MKLN1: variants seen among roughly 807,000 people sequenced by gnomAD.
MKLN1 encodes muskelin 1, also known as muskelin.
A neutral mutation model predicts 99.0 loss-of-function variants in MKLN1; 18 were observed. The observed-to-expected ratio is 0.18, with a 90% CI of 0.13 to 0.27. MKLN1 has a LOEUF of 0.27. Among genes scored for constraint, MKLN1 ranks in the 10% least tolerant of loss-of-function variants. The pLI is 1.00. For synonymous variants in MKLN1, 288 were observed against 293.2 expected, an observed-to-expected ratio of 0.98 and a Z score of 0.18; for missense variants, 621 against 875.9, an observed-to-expected ratio of 0.71 and a Z score of 3.67.
intron 1 of MKLN1, among the ~76,000 whole-genome samples, chr7:131,126,952 G>A (rs1008987357): frequency 6.6e-6 from 1 of 152,138 alleles, no homozygotes; most frequent in Non-Finnish European, 1.5e-5. Context: ...GTTCACCTAA[G>A]GTTGGTAGTT....
intron 1 of MKLN1, 22 bp downstream of exon 1, chr7:131,328,019 C>A: frequency 6.2e-7 from 1 of 1,612,742 alleles, no homozygotes; most frequent in Non-Finnish European, 8.5e-7. Flanking sequence ...GCCTTGAGCT[C>A]GTGCTGCCCC....
At chr7:131,332,420 CAT>C (rs1049453210) in intron 1 of MKLN1, among the ~76,000 whole-genome samples, 2 of 147,836 alleles carry the variant, frequency 1.4e-5, no homozygotes, top group Non-Finnish European at 3.0e-5. Context: ...GTCAATACCC[CAT>C]GTCTAAGAAA....
intron 12 of MKLN1, among the ~76,000 whole-genome samples, chr7:131,461,528 A>G (rs1212298705): frequency 1.3e-5 from 2 of 152,094 alleles, no homozygotes; most frequent in African/African-American, 4.8e-5. Context: ...AAATGTCCCA[A>G]ATTTGTTGAA....
chr7:131,475,657 G>T (rs1308196901), intron 16 of MKLN1, among the ~76,000 whole-genome samples: 1 of 151,996 alleles, frequency 6.6e-6, no homozygotes, highest in African/African-American at 2.4e-5. Flanking sequence ...ACAAAAACAT[G>T]CAAAAAATTA....
chr7:131,433,959 C>T (rs572183063), intron 9 of MKLN1, among the ~76,000 whole-genome samples: 14 of 150,380 alleles, frequency 9.3e-5, no homozygotes, highest in African/African-American at 3.4e-4. Flanking sequence ...TCTCGGCTCA[C>T]TGCAACCCCC....
intron 2 of MKLN1, among the ~76,000 whole-genome samples, chr7:131,187,121 C>A (rs1352555172): frequency 6.6e-6 from 1 of 152,296 alleles, no homozygotes; most frequent in Admixed American, 6.5e-5. Context: ...AGATTAGAAG[C>A]TGTGGGATGA....
chr7:131,164,473 T>C (rs574366672), intron 2 of MKLN1, among the ~76,000 whole-genome samples: 1 of 152,254 alleles, frequency 6.6e-6, no homozygotes, highest in African/African-American at 2.4e-5. Flanking sequence ...CCAAGAAACA[T>C]GGCAACTGGA....
chr7:131,291,917 C>T (rs1798224800), intron 3 of MKLN1, among the ~76,000 whole-genome samples: 1 of 152,046 alleles, frequency 6.6e-6, no homozygotes, highest in Admixed American at 6.6e-5. Context: ...CCAGTCTGGG[C>T]CACATAGTGA....
chr7:131,156,221 A>G (rs1035075056), intron 2 of MKLN1, among the ~76,000 whole-genome samples: 1 of 151,974 alleles, frequency 6.6e-6, no homozygotes, highest in African/African-American at 2.4e-5. Flanking sequence ...TTGACTTTAC[A>G]ATGGTGTGAA....
At chr7:131,268,615 T>A (rs1319732720) in intron 3 of MKLN1, among the ~76,000 whole-genome samples, 2 of 152,148 alleles carry the variant, frequency 1.3e-5, no homozygotes, top group African/African-American at 4.8e-5. Flanking sequence ...AGCCTGCAGA[T>A]AACTGCACAG....
chr7:131,259,862 C>T (rs186377290), intron 3 of MKLN1, among the ~76,000 whole-genome samples: 2 of 152,120 alleles, frequency 1.3e-5, no homozygotes, highest in Admixed American at 1.3e-4. Flanking sequence ...AGCAGTCAGG[C>T]AAGAGAAAGA....
chr7:131,300,559 C>G (rs1471366598), intron 3 of MKLN1, among the ~76,000 whole-genome samples: 1 of 150,998 alleles, frequency 6.6e-6, no homozygotes, highest in African/African-American at 2.4e-5. Flanking sequence ...TGGGGCACAC[C>G]TGTAATAATC....
At chr7:131,156,104 G>T (rs1333259194) in intron 2 of MKLN1, among the ~76,000 whole-genome samples, 1 of 152,178 alleles carries the variant, frequency 6.6e-6, no homozygotes, top group African/African-American at 2.4e-5. Context: ...CAGACAATCA[G>T]TGACTTGTTA....
At chr7:131,144,126 G>T (rs1033096271) in intron 2 of MKLN1, among the ~76,000 whole-genome samples, 1 of 152,114 alleles carries the variant, frequency 6.6e-6, no homozygotes, top group South Asian at 2.1e-4. Flanking sequence ...CTCAGCACTT[G>T]GAACAGTAAC....
At chr7:131,478,808 T>C (rs1410056279) in intron 17 of MKLN1, 131 bp downstream of exon 17, 14 of 1,126,286 alleles carry the variant, frequency 1.2e-5, no homozygotes, top group Non-Finnish European at 1.8e-5. Flanking sequence ...TTTCAAGGTA[T>C]CATGCAAAAT....
At chr7:131,274,243 G>C (rs1463391631) in intron 3 of MKLN1, among the ~76,000 whole-genome samples, 1 of 152,060 alleles carries the variant, frequency 6.6e-6, no homozygotes, top group East Asian at 1.9e-4. Flanking sequence ...ATGATTTTTG[G>C]CCAAGAATTT....
intron 2 of MKLN1, among the ~76,000 whole-genome samples, chr7:131,160,820 G>A (rs1036269285): frequency 2.0e-5 from 3 of 151,352 alleles, no homozygotes; most frequent in African/African-American, 4.9e-5. Flanking sequence ...ATGAGCCACC[G>A]CACCTGGCCC....
chr7:131,447,354 T>C (rs890703249), intron 12 of MKLN1, among the ~76,000 whole-genome samples: 1 of 152,126 alleles, frequency 6.6e-6, no homozygotes, highest in African/African-American at 2.4e-5. Flanking sequence ...AGCTATATGA[T>C]TTAATATTTG....
chr7:131,190,620 T>C (rs1449121396), intron 2 of MKLN1, among the ~76,000 whole-genome samples: 1 of 152,090 alleles, frequency 6.6e-6, no homozygotes, highest in African/African-American at 2.4e-5. Context: ...ATTGTAACAC[T>C]ACAGCTGTGG....
Sources: gnomAD v4.1 joint callset for allele counts (sites outside exome capture counted in the v4.1 genomes callset) on GRCh38, gnomAD v4.1.1 for gene constraint, MANE v1.5 for transcripts, NCBI Gene and HGNC (gene_info 2026-07-23, HGNC 2026-07-21) for gene names.